The following PLAA variants were observed in gnomAD, a reference collection of about 807,000 sequenced individuals.
PLAA encodes the protein phospholipase A-2-activating protein.
Under a neutral mutation model 84.1 loss-of-function variants are expected in PLAA, and 48 were observed. The ratio of observed to expected loss-of-function variants is 0.57; its 90% confidence interval spans 0.45 to 0.73. PLAA has a LOEUF of 0.73. Among genes scored for constraint, PLAA ranks in the 30% least tolerant of loss-of-function variants. The pLI, the probability that PLAA is intolerant of heterozygous loss-of-function variation, is 0.00. For synonymous variants in PLAA, 392 were observed against 336.6 expected (o/e 1.16, Z -1.80); for missense variants, 903 against 954.7 (o/e 0.95, Z 0.71).
At chr9:26,930,704 T>G (rs1188447568) in intron 2 of PLAA, among the ~76,000 whole-genome samples, 1 of 151,590 alleles carries the variant, frequency 6.6e-6, no homozygotes, top group East Asian at 1.9e-4. Context: ...TGCCTCAACC[T>G]CCCACGTAGC....
chr9:26,923,219 T>C lies in PLAA; in HGVS notation c.998A>G (p.Asn333Ser), dbSNP rs754335768. ...DSKTGDLGDI[N>S]AEQLPGREHL... Reference sequence around the variant, plus strand: ...TTCCCTCCCAGGAAGCTGCTCAGCATTGATGTCCCCTAAATCGCCAGTTTT... The same window carrying C: ...TTCCCTCCCAGGAAGCTGCTCAGCACTGATGTCCCCTAAATCGCCAGTTTT... The change falls in exon 7 of 14, where the codon AAT becomes AGT. Residue 333 changes from asparagine to serine, a missense_variant. Physicochemically the swap from Asn to Ser is conservative, Grantham distance 46. Coordinates refer to ENST00000397292, the MANE Select transcript of PLAA (RefSeq NM_001031689.3). 215 of 1,612,834 alleles carry C rather than the reference T, an allele frequency of 1.3e-4. No homozygotes were observed. In the Middle Eastern group the frequency reaches 1.5e-3, roughly 11 times the overall value.
intron 1 of PLAA, among the ~76,000 whole-genome samples, chr9:26,943,102 G>T (rs978234748): frequency 1.3e-5 from 2 of 152,138 alleles, no homozygotes; most frequent in Non-Finnish European, 2.9e-5. Context: ...CAAAGCTGCT[G>T]AAGTCCTATC....
intron 6 of PLAA, among the ~76,000 whole-genome samples, chr9:26,925,199 C>A (rs1008296000): frequency 1.3e-5 from 2 of 152,312 alleles, no homozygotes; most frequent in East Asian, 3.9e-4. Flanking sequence ...TCCATTGTCA[C>A]CAGCAGTTAA....
chr9:26,935,406 T>C (rs1424189978), intron 1 of PLAA, among the ~76,000 whole-genome samples, 200 bp from the exon 2 acceptor site: 1 of 152,198 alleles, frequency 6.6e-6, no homozygotes, highest in Admixed American at 6.5e-5. Context: ...AAAGAGAAGT[T>C]TGTTTAGTGT....
At chr9:26,907,202 T>C (rs546582842) in intron 13 of PLAA, among the ~76,000 whole-genome samples, 13 of 151,958 alleles carry the variant, frequency 8.6e-5, no homozygotes, top group African/African-American at 1.9e-4. Flanking sequence ...TAAGAGTATC[T>C]TGGATGCCTG....
In PLAA at chr9:26,923,317, T is replaced by C. The variant is rs150114550; in HGVS notation, c.900A>G (p.Ser300=). 1.2e-6 allele frequency: 2 copies of C among 1,612,932 alleles called. No individual in the cohort carries two copies. Among genetic ancestry groups the C allele is most frequent in the African/African-American group, 1.3e-5 (1 of 74,920 alleles). The change falls in exon 7 of 14, where the codon TCA becomes TCG. Residue 300 remains serine (S), a synonymous_variant. Coordinates refer to ENST00000397292, the MANE Select transcript of PLAA (RefSeq NM_001031689.3). Reference sequence around the variant, plus strand: ...CTTCAGCACTTGCTGTTCGATCTTCTGATTCTGTAAACACTCTAATAATGC... The same window carrying C: ...CTTCAGCACTTGCTGTTCGATCTTCCGATTCTGTAAACACTCTAATAATGC... ...SDGIIRVFTE[S]EDRTASAEEI...
chr9:26,922,669 A>AT (rs72464032), intron 7 of PLAA, among the ~76,000 whole-genome samples: 10,875 of 140,818 alleles, frequency 0.077, 579 homozygotes, highest in African/African-American at 0.15. Context: ...ATTTTAACTC[A>AT]TTTTTTTTTT....
At chr9:26,910,504 A>G (rs1217029257) in intron 11 of PLAA, 65 bp from the exon 12 acceptor site, 4 of 1,246,194 alleles carry the variant, frequency 3.2e-6, no homozygotes, top group South Asian at 2.5e-5. Flanking sequence ...TTTTCTAACT[A>G]TATGACTTAG....
chr9:26,913,768 T>C, intron 11 of PLAA, 111 bp downstream of exon 11: 2 of 696,416 alleles, frequency 2.9e-6, no homozygotes, highest in Non-Finnish European at 4.8e-6. Context: ...CGATTTACTA[T>C]ATAAAAAGTT....
intron 10 of PLAA, chr9:26,916,339 A>G (rs563783916): frequency 2.0e-6 from 2 of 987,042 alleles, no homozygotes; most frequent in East Asian, 1.1e-4. Flanking sequence ...ATTATACAAG[A>G]TATCAAAAGC....
chr9:26,933,266 A>T (rs548032634), intron 2 of PLAA, among the ~76,000 whole-genome samples: 1 of 112,874 alleles, frequency 8.9e-6, no homozygotes, highest in Non-Finnish European at 1.7e-5. Context: ...GACTCTGTCT[A>T]AAAAAAAAAA....
chr9:26,933,181 C>T (rs1195875162), intron 2 of PLAA, among the ~76,000 whole-genome samples: 1 of 151,656 alleles, frequency 6.6e-6, no homozygotes, highest in Non-Finnish European at 1.5e-5. Context: ...GGCAGGAGAA[C>T]TGCTTGAACC....
rs775964411 is a variant in PLAA at position 26,907,985 on chromosome 9, T to C, written c.1671A>G (p.Glu557=). 3.2e-6 allele frequency: 5 copies of C among 1,584,766 alleles called. No homozygotes were observed. Among genetic ancestry groups the C allele is most frequent in the Non-Finnish European group, 4.3e-6 (5 of 1,171,264 alleles). The part of the protein sequence containing the change: ...NPTQILGKLK[E]LNGTAPEEKK... ...TCTCTTCAGGTGCAGTTCCATTAAG[T>C]TCCTTCAGTTTACCTAGAACCCAAA... Residue 557 remains glutamate, a synonymous_variant, in exon 13 of 14, where the codon GAA becomes GAG. Coordinates refer to ENST00000397292, the MANE Select transcript of PLAA (RefSeq NM_001031689.3).
chr9:26,926,559 C>T lies in PLAA; in HGVS notation c.567G>A (p.Gly189=). 1.2e-6 allele frequency: 2 copies of T among 1,608,200 alleles called. No homozygotes were observed. Among genetic ancestry groups the T allele is most frequent in the Non-Finnish European group, 1.7e-6 (2 of 1,176,580 alleles). ...CCAAACCTCTTACACAGTCTTCATG[C>T]CCTGCATTAAAAAACAATAATGCAA... The part of the protein sequence containing the change: ...KAGRCERTFS[G]HEDCVRGLAI... Residue 189 remains glycine (G), a splice_region_variant and synonymous_variant, in exon 5 of 14, where the codon GGG becomes GGA. Transcript: ENST00000397292.
chr9:26,912,956 T>C (rs10967597), intron 11 of PLAA, among the ~76,000 whole-genome samples: 14,361 of 152,178 alleles, frequency 0.094, 1,573 homozygotes, highest in East Asian at 0.6. Context: ...GACATGGTAG[T>C]GTGCGCATGT....
intron 1 of PLAA, among the ~76,000 whole-genome samples, chr9:26,938,821 A>G (rs1825437406): frequency 6.6e-6 from 1 of 152,216 alleles, no homozygotes. Context: ...TTGTAACTCC[A>G]AATTTTTCCT....
At chr9:26,915,760 C>A (rs1824530723) in intron 10 of PLAA, 1 of 985,056 alleles carries the variant, frequency 1.0e-6, no homozygotes, top group South Asian at 4.7e-5. Flanking sequence ...CATTATGGAA[C>A]AGTGAGATAT....
chr9:26,935,681 T>C (rs561221527), intron 1 of PLAA, among the ~76,000 whole-genome samples: 15 of 152,240 alleles, frequency 9.9e-5, no homozygotes, highest in Non-Finnish European at 1.6e-4. Context: ...TGTTTCTACA[T>C]AGCTAGAACA....
Position 26,916,664 on chromosome 9 carries a change from T to C in PLAA, c.1486+433A>G, listed in dbSNP as rs373662092. On this transcript the variant is annotated intron_variant, in intron 10 of 13. Transcript: ENST00000397292. ...GTGATTGGTAGCATCTCGCCAGTGA[T>C]AGCACTCATGCTGTGTCTTGGTTGG... The C allele has an allele frequency of 7.7e-5, 76 of 991,916 alleles. No individual in the cohort carries two copies. The East Asian group carries it at 1.3e-3, about 18-fold the overall frequency. 61.4% of individuals were successfully genotyped at this position (991,916 alleles called of 1,614,324 possible).
Sources: gnomAD v4.1 joint callset for allele counts (sites outside exome capture counted in the v4.1 genomes callset) on GRCh38, gnomAD v4.1.1 for gene constraint, MANE v1.5 for transcripts, NCBI Gene and HGNC (gene_info 2026-07-23, HGNC 2026-07-21) for gene names.